Variants in PYGB observed in about 807,000 individuals in gnomAD.
PYGB encodes glycogen phosphorylase, brain form.
PYGB carries 82 observed loss-of-function variants against 94.3 expected under a neutral mutation model. The ratio of observed to expected loss-of-function variants is 0.87; its 90% CI spans 0.73 to 1.04. PYGB has a LOEUF of 1.04. PYGB is among the 50% of genes least tolerant of loss of function. The pLI is 0.00. For synonymous variants in PYGB, 488 were observed against 479.1 expected, an observed-to-expected ratio of 1.02 and a Z score of -0.24; for missense variants, 1,132 against 1,158.2, an observed-to-expected ratio of 0.98 and a Z score of 0.33.
chr20:25,283,413 G>T, intron 13 of PYGB, 136 bp downstream of exon 13: 1 of 723,440 alleles, frequency 1.4e-6, no homozygotes, highest in South Asian at 1.9e-5. Context: ...CTCAGAACAG[G>T]ACTGAGGGTG....
chr20:25,288,319 A>G (rs773139682), intron 14 of PYGB, 106 bp from the exon 15 acceptor site: 2 of 1,241,132 alleles, frequency 1.6e-6, no homozygotes, highest in African/African-American at 1.5e-5. Context: ...TACATGGCGG[A>G]GCGTGCCTGT....
intron 5 of PYGB, 133 bp downstream of exon 5, chr20:25,274,856 G>A (rs550578986): frequency 7.3e-6 from 10 of 1,369,696 alleles, no homozygotes; most frequent in East Asian, 2.3e-5. Context: ...GGTAAAAGCC[G>A]GGGGAGGTTT....
intron 4 of PYGB, among the ~76,000 whole-genome samples, chr20:25,272,434 G>C (rs766213123): frequency 3.3e-5 from 5 of 152,192 alleles, no homozygotes; most frequent in Admixed American, 6.5e-5. Flanking sequence ...ATAAACGCAA[G>C]GAGCTGCTGT....
chr20:25,292,681 C>T (rs2088480252), intron 17 of PYGB, 68 bp downstream of exon 17: 1 of 1,534,426 alleles, frequency 6.5e-7, no homozygotes, highest in Non-Finnish European at 8.8e-7. Flanking sequence ...GGGCTGGGGG[C>T]ATTGGCTGGA....
intron 1 of PYGB, among the ~76,000 whole-genome samples, chr20:25,254,544 C>T (rs1034632987): frequency 6.6e-6 from 1 of 152,112 alleles, no homozygotes; most frequent in African/African-American, 2.4e-5. Flanking sequence ...AAGAGAAGTT[C>T]GGTTAACAGT....
intron 16 of PYGB, among the ~76,000 whole-genome samples, chr20:25,292,089 C>T (rs570031898): frequency 5.3e-5 from 8 of 152,318 alleles, no homozygotes; most frequent in Non-Finnish European, 8.8e-5. Context: ...CGAGCCAGGA[C>T]TGGCTCCTTG....
intron 15 of PYGB, chr20:25,290,044 T>C (rs906368581): frequency 8.7e-6 from 4 of 460,750 alleles, no homozygotes; most frequent in African/African-American, 8.0e-5. Context: ...GGTGTCTCAG[T>C]TCTCTGTAGG....
intron 14 of PYGB, among the ~76,000 whole-genome samples, chr20:25,287,724 A>G (rs1306221706): frequency 6.6e-6 from 1 of 152,162 alleles, no homozygotes; most frequent in African/African-American, 2.4e-5. Context: ...TCACGCCTAT[A>G]ATCCCTGCAC....
chr20:25,269,045 C>G (rs1490227861), intron 2 of PYGB, 84 bp from the exon 3 acceptor site: 7 of 1,211,052 alleles, frequency 5.8e-6, no homozygotes, highest in Non-Finnish European at 8.5e-6. Context: ...AGCATAAGCT[C>G]ACAAGACTTA....
chr20:25,252,679 G>A (rs2092891467), intron 1 of PYGB, among the ~76,000 whole-genome samples: 1 of 152,260 alleles, frequency 6.6e-6, no homozygotes. Flanking sequence ...AGGTCTGAGG[G>A]AGGGTGCAGG....
rs1046616064 is a variant in PYGB at position 25,277,163 on chromosome 20, C to T, written c.773-81C>T. On this transcript the variant is annotated intron_variant, in intron 6 of 19. Transcript: ENST00000216962. ...CTGTGCTCGAGCGAGTTTCCTTGGC[C>T]TTTGCAAGTAGGCCCCTGAGCGGTT... 6.0e-6 allele frequency: 7 copies of T among 1,160,690 alleles called. No individual in the cohort carries two copies. The Admixed American group carries it at 1.0e-4, about 17-fold the overall frequency. The allele number at this position is 1,160,690 out of a possible 1,614,324, so 71.9% of individuals were successfully genotyped here.
intron 19 of PYGB, 105 bp downstream of exon 19, chr20:25,295,775 G>T: frequency 1.5e-6 from 2 of 1,304,116 alleles, no homozygotes. Flanking sequence ...CTTGGCCTGG[G>T]CCAGAGGGGT....
At chr20:25,295,533 G>A in intron 18 of PYGB, 71 bp from the exon 19 acceptor site, 1 of 1,512,686 alleles carries the variant, frequency 6.6e-7, no homozygotes, top group Admixed American at 1.7e-5. Context: ...CCTGCCCTGG[G>A]ACTCTCCCCT....
chr20:25,264,715 AC>A (rs2092920946), intron 2 of PYGB, among the ~76,000 whole-genome samples: 1 of 152,224 alleles, frequency 6.6e-6, no homozygotes, highest in Non-Finnish European at 1.5e-5. Context: ...AATCCAACTT[AC>A]AAGGGATGTG....
chr20:25,253,896 A>C (rs1458483865), intron 1 of PYGB, among the ~76,000 whole-genome samples: 2 of 149,158 alleles, frequency 1.3e-5, no homozygotes, highest in Non-Finnish European at 2.9e-5. Flanking sequence ...ACAAGGTGAA[A>C]CCCCTTCTTT....
intron 8 of PYGB, 107 bp from the exon 9 acceptor site, chr20:25,278,949 TG>T: frequency 2.2e-6 from 2 of 895,492 alleles, no homozygotes; most frequent in Non-Finnish European, 1.6e-6. Context: ...TTCTCGGGGG[TG>T]GGGTGGGCTG....
intron 15 of PYGB, among the ~76,000 whole-genome samples, chr20:25,289,432 C>T (rs183457960): frequency 1.3e-5 from 2 of 152,224 alleles, no homozygotes; most frequent in East Asian, 3.9e-4. Context: ...ATCGCATGAG[C>T]CCAGGAGTTC....
At chr20:25,251,768 T>TA (rs1431329174) in intron 1 of PYGB, among the ~76,000 whole-genome samples, 1 of 152,234 alleles carries the variant, frequency 6.6e-6, no homozygotes, top group Non-Finnish European at 1.5e-5. Flanking sequence ...GCAGTGGATG[T>TA]AACAATCAGT....
chr20:25,280,170 C>G, intron 9 of PYGB, 96 bp from the exon 10 acceptor site: 2 of 1,450,350 alleles, frequency 1.4e-6, no homozygotes, highest in South Asian at 2.6e-5. Flanking sequence ...TACCCAGCAT[C>G]TGCCTGGGAT....
Sources: gnomAD v4.1 joint callset for allele counts (sites outside exome capture counted in the v4.1 genomes callset) on GRCh38, gnomAD v4.1.1 for gene constraint, MANE v1.5 for transcripts, NCBI Gene and HGNC (gene_info 2026-07-23, HGNC 2026-07-21) for gene names.